The following COQ4 variants were observed in gnomAD, a reference collection of about 807,000 sequenced individuals.
COQ4 encodes coenzyme Q4, also known as ubiquinone biosynthesis protein COQ4 homolog, mitochondrial.
In COQ4, 36 loss-of-function variants were observed where a neutral mutation model predicts 30.2. That is an observed-to-expected ratio of 1.19 (90% CI 0.91 to 1.57). The LOEUF (loss-of-function observed/expected upper bound fraction) is 1.57, where lower values mean the gene tolerates loss of function less well. Ranked by LOEUF, COQ4 falls within the 40% of genes most tolerant of loss-of-function variation. The pLI, the probability that COQ4 is intolerant of heterozygous loss-of-function variation, is 0.00. For missense variants in COQ4, 369 were observed against 371.9 expected (o/e 0.99, Z 0.07); for synonymous variants, 197 against 161.0 (o/e 1.22, Z -1.69).
chr9:128,326,116 C>T (rs1035976699), intron 4 of COQ4: 3 of 578,652 alleles, frequency 5.2e-6, no homozygotes, highest in Non-Finnish European at 9.2e-6. Flanking sequence ...CTGATGCCAG[C>T]CTCATCCGTG....
chr9:128,332,451 C>T, intron 5 of COQ4, 169 bp downstream of exon 5: 2 of 725,628 alleles, frequency 2.8e-6, no homozygotes, highest in South Asian at 3.6e-5. Flanking sequence ...CTTTCTCCCA[C>T]TGCCCCTCAG....
In COQ4 at chr9:128,332,855, A is replaced by G. The variant is rs1166966664; in HGVS notation, c.538A>G (p.Ile180Val). Residue 180 changes from isoleucine (I) to valine (V), a missense_variant, in exon 6 of 7, where the codon ATC (isoleucine) becomes GTC (valine). Coordinates refer to ENST00000300452, the MANE Select transcript of COQ4 (RefSeq NM_016035.5). ...LGMPTNILGEIVVKWFEAVQT... is the reference protein window; with the variant it reads ...LGMPTNILGEVVVKWFEAVQT... ...AACACATCCCTCACCCACAGGGGAG[A>G]TCGTGGTGAAATGGTTTGAGGCTGT... 1.2e-6 allele frequency: 2 copies of G among 1,613,158 alleles called. No individual in the cohort carries two copies. The highest frequency in any genetic ancestry group is 1.7e-6 in the Non-Finnish European group (2 of 1,179,238).
intron 4 of COQ4, chr9:128,326,123 C>T (rs1588539131): frequency 1.2e-5 from 7 of 574,742 alleles, no homozygotes; most frequent in East Asian, 2.9e-5. Context: ...CAGCCTCATC[C>T]GTGATCTTGC....
chr9:128,329,614 C>G (rs556368302), intron 4 of COQ4, among the ~76,000 whole-genome samples: 5 of 152,352 alleles, frequency 3.3e-5, no homozygotes, highest in African/African-American at 1.2e-4. Flanking sequence ...AAGTGATCCG[C>G]TGGCCTTGGC....
intron 5 of COQ4, 131 bp from the exon 6 acceptor site, chr9:128,332,719 A>T (rs1030957392): frequency 9.2e-6 from 7 of 761,932 alleles, no homozygotes; most frequent in Non-Finnish European, 1.4e-5. Flanking sequence ...GGCCCAGCAC[A>T]GGCCAGGACT....
At chr9:128,332,753 T>G in intron 5 of COQ4, 97 bp from the exon 6 acceptor site, 2 of 943,742 alleles carry the variant, frequency 2.1e-6, no homozygotes, top group Non-Finnish European at 3.5e-6. Flanking sequence ...CCCGTAGAGA[T>G]TAGGGAGGAA....
intron 4 of COQ4, chr9:128,330,354 CAG>C (rs1370636114): frequency 6.6e-6 from 1 of 150,840 alleles, no homozygotes; most frequent in Non-Finnish European, 1.5e-5. Flanking sequence ...ACCTGGGCGA[CAG>C]AGTGAGACTC....
chr9:128,325,272 C>T, intron 3 of COQ4, 33 bp downstream of exon 3: 1 of 1,465,600 alleles, frequency 6.8e-7, no homozygotes, highest in Non-Finnish European at 9.5e-7. Flanking sequence ...GGTCTGGGGG[C>T]ATTCTCTAGG....
intron 6 of COQ4, 31 bp from the exon 7 acceptor site, chr9:128,333,443 G>A: frequency 6.7e-7 from 1 of 1,486,016 alleles, no homozygotes. Flanking sequence ...CCAGGGACTT[G>A]ATGTTTTCTT....
In COQ4 at chr9:128,327,524, G is replaced by A. The variant is rs553589496; in HGVS notation, c.402+1643G>A. ...TTAGAATATTCTGGCACTGGTCCAT[G>A]CGTGTTGGCTCATGCCTGTAATCCT... is the stretch of plus-strand genomic sequence containing the variant. On this transcript the variant is annotated intron_variant, in intron 4 of 6. Transcript: ENST00000300452. Among the ~76,000 whole-genome samples the A allele has an allele frequency of 2.3e-4, 35 of 152,312 alleles. 1 individual carries two copies. The South Asian group carries it at 6.0e-3, about 26-fold the overall frequency.
At chr9:128,332,373 C>A in intron 5 of COQ4, 91 bp downstream of exon 5, 1 of 1,416,798 alleles carries the variant, frequency 7.1e-7, no homozygotes, top group Non-Finnish European at 9.7e-7. Context: ...TCTGCATCAC[C>A]TGGCTTGGTG....
chr9:128,326,002 G>T (rs1249953279), intron 4 of COQ4, 121 bp downstream of exon 4: 2 of 865,046 alleles, frequency 2.3e-6, no homozygotes, highest in Admixed American at 4.2e-5. Flanking sequence ...TGCTCTTCAG[G>T]CTCATGCCAA....
intron 4 of COQ4, among the ~76,000 whole-genome samples, chr9:128,330,228 C>G (rs1339123508): frequency 1.3e-5 from 2 of 150,418 alleles, no homozygotes; most frequent in Non-Finnish European, 3.0e-5. Context: ...AAAAAATTAG[C>G]CGGGTGTAGT....
chr9:128,332,273 A>G lies in COQ4; in HGVS notation c.523A>G (p.Asn175Asp), dbSNP rs1286203064. ...MLHTLLGMPT[N>D]ILGEIVVKWF... Reference sequence around the variant, plus strand: ...TCACACCCTGCTGGGGATGCCCACCAACATCCTGGGTGAGTGCCCCCAACC... The same window carrying G: ...TCACACCCTGCTGGGGATGCCCACCGACATCCTGGGTGAGTGCCCCCAACC... The change falls in exon 5 of 7, where the codon AAC (asparagine) becomes GAC (aspartate). Residue 175 changes from asparagine (N) to aspartate (D), a missense_variant. Transcript: ENST00000300452. The G allele has an allele frequency of 6.2e-7, 1 of 1,612,664 alleles. No homozygotes were observed. Among genetic ancestry groups the G allele is most frequent in the Non-Finnish European group, 8.5e-7 (1 of 1,179,834 alleles).
At chr9:128,326,851 C>T (rs946932504) in intron 4 of COQ4, among the ~76,000 whole-genome samples, 6 of 152,054 alleles carry the variant, frequency 3.9e-5, no homozygotes, top group African/African-American at 2.4e-5. Flanking sequence ...TGGGTTCAAG[C>T]GATTCTCCTG....
chr9:128,331,853 G>C (rs186008864), intron 4 of COQ4: 2 of 190,560 alleles, frequency 1.0e-5, no homozygotes, highest in East Asian at 1.4e-4. Flanking sequence ...TCAGCCTCCC[G>C]AGTAGCTGGG....
At chr9:128,332,381 G>C (rs1455877554) in intron 5 of COQ4, 99 bp downstream of exon 5, 1 of 1,355,934 alleles carries the variant, frequency 7.4e-7, no homozygotes, top group Non-Finnish European at 1.0e-6. Context: ...ACCTGGCTTG[G>C]TGCCTCAATT....
chr9:128,333,591 G>A lies in COQ4; in HGVS notation c.744G>A (p.Leu248=), dbSNP rs769648692. The A allele has an allele frequency of 1.3e-5, 21 of 1,606,428 alleles. No homozygotes were observed. The African/African-American group carries it at 2.8e-4, about 22-fold the overall frequency. ...GCTGGGAGCAGTCCCTGAGGGCTCT[G>A]CGGGAGGAGCTGGGCATTACAGCAC... ...ERRWEQSLRA[L]REELGITAPP... is the part of the protein sequence containing the mutation. Residue 248 remains leucine, a synonymous_variant, in exon 7 of 7, where the codon CTG becomes CTA. Transcript: ENST00000300452.
chr9:128,332,865 A>C lies in COQ4; in HGVS notation c.548A>C (p.Lys183Thr). The change falls in exon 6 of 7, where the codon AAA becomes ACA. Residue 183 changes from lysine (K) to threonine (T), a missense_variant. Transcript: ENST00000300452. The part of the protein sequence containing the change: ...PTNILGEIVV[K>T]WFEAVQTGLP... ...TCACCCACAGGGGAGATCGTGGTGA[A>C]ATGGTTTGAGGCTGTCCAGACTGGC... 6.2e-7 allele frequency: 1 copy of C among 1,614,042 alleles called. No homozygotes were observed. Among genetic ancestry groups the C allele is most frequent in the East Asian group, 2.2e-5 (1 of 44,876 alleles).
Sources: gnomAD v4.1 joint callset for allele counts (sites outside exome capture counted in the v4.1 genomes callset) on GRCh38, gnomAD v4.1.1 for gene constraint, MANE v1.5 for transcripts, NCBI Gene and HGNC (gene_info 2026-07-23, HGNC 2026-07-21) for gene names.